The following SEMA6A variants were observed in gnomAD, a reference collection of about 807,000 sequenced individuals.
SEMA6A encodes the protein semaphorin 6A, also known as semaphorin-6A.
In SEMA6A, 25 loss-of-function variants were observed where a neutral mutation model predicts 96.8. The ratio of observed to expected loss-of-function variants is 0.26; its 90% CI spans 0.19 to 0.36. The LOEUF is 0.36. Among genes scored for constraint, SEMA6A ranks in the 10% least tolerant of loss-of-function variants. The pLI is 1.00. For missense variants in SEMA6A, 1,363 were observed against 1,323.1 expected (o/e 1.03, Z -0.47); for synonymous variants, 612 against 518.0 (o/e 1.18, Z -2.46).
chr5:116,446,362 C>A lies in SEMA6A; in HGVS notation c.*251G>T. ...AACTGAAGTCTTTTGTGGGTCCGAC[C>A]TGTTGTAGGGTGTGGGGGAAAGTGA... On this transcript the variant is annotated 3_prime_UTR_variant, in exon 19 of 19. Transcript: ENST00000343348. The A allele has an allele frequency of 2.6e-6, 1 of 388,734 alleles. No individual in the cohort carries two copies. The highest frequency in any genetic ancestry group is 3.9e-5 in the East Asian group (1 of 25,890). 24.1% of individuals were successfully genotyped at this position (388,734 alleles called of 1,614,324 possible). A position where few individuals can be genotyped will look rare whatever the true frequency, so the allele number is the denominator to read the frequency against.
At position 116,445,576 on chromosome 5, in the gene SEMA6A, A is replaced by C. The variant is rs150132955; in HGVS notation, c.*1037T>G. The C allele has an allele frequency of 6.6e-6, 1 of 152,486 alleles. No homozygotes were observed. The highest frequency in any genetic ancestry group is 2.4e-5 in the African/African-American group (1 of 41,460). The allele number at this position is 152,486 out of a possible 1,614,324, so 9.4% of individuals were successfully genotyped here. ...AAGCTTTCTCTCCTGATTGCTTTAGAAATTAGGATCTGGAAGGACTTTAAC... is the reference window on the plus strand; with the variant it reads ...AAGCTTTCTCTCCTGATTGCTTTAGCAATTAGGATCTGGAAGGACTTTAAC... On this transcript the variant is annotated 3_prime_UTR_variant, in exon 19 of 19. Coordinates refer to ENST00000343348, the MANE Select transcript of SEMA6A (RefSeq NM_020796.5).
chr5:116,455,200 T>A (rs774366906), intron 18 of SEMA6A, among the ~76,000 whole-genome samples: 8 of 152,218 alleles, frequency 5.3e-5, no homozygotes, highest in Non-Finnish European at 1.0e-4. Flanking sequence ...GTTCCTCCAC[T>A]GCTCTACTGC....
At chr5:116,514,225 T>C (rs919001560) in intron 1 of SEMA6A, among the ~76,000 whole-genome samples, 1 of 152,218 alleles carries the variant, frequency 6.6e-6, no homozygotes, top group Non-Finnish European at 1.5e-5. Flanking sequence ...TCCAGAATGG[T>C]TGAACTAATT....
intron 1 of SEMA6A, among the ~76,000 whole-genome samples, chr5:116,557,238 T>C (rs1370986467): frequency 2.0e-5 from 3 of 152,234 alleles, no homozygotes; most frequent in Non-Finnish European, 2.9e-5. Context: ...CTTTTCTTTT[T>C]GTTTTTTGAG....
intron 18 of SEMA6A, among the ~76,000 whole-genome samples, chr5:116,466,189 G>A (rs532655053): frequency 4.8e-4 from 72 of 150,488 alleles, no homozygotes; most frequent in African/African-American, 1.7e-3. Context: ...TGGCCAACAT[G>A]GCAAAACCCT....
At chr5:116,541,429 A>G (rs971354394) in intron 1 of SEMA6A, among the ~76,000 whole-genome samples, 5 of 151,646 alleles carry the variant, frequency 3.3e-5, no homozygotes, top group African/African-American at 1.2e-4. Flanking sequence ...ACATGACATA[A>G]TAAAGTGTTA....
intron 1 of SEMA6A, among the ~76,000 whole-genome samples, chr5:116,522,862 C>G (rs1759022850): frequency 6.6e-6 from 1 of 152,114 alleles, no homozygotes; most frequent in Non-Finnish European, 1.5e-5. Flanking sequence ...TGAAGCATCC[C>G]CAAAGGACAC....
intron 15 of SEMA6A, among the ~76,000 whole-genome samples, chr5:116,476,019 T>TAGGA (rs1357788266): frequency 6.6e-6 from 1 of 152,208 alleles, no homozygotes; most frequent in Non-Finnish European, 1.5e-5. Context: ...CTTGCCTTCC[T>TAGGA]AGGCAAGGTT....
intron 1 of SEMA6A, among the ~76,000 whole-genome samples, chr5:116,544,694 A>G (rs1760112758): frequency 6.6e-6 from 1 of 152,188 alleles, no homozygotes; most frequent in Non-Finnish European, 1.5e-5. Context: ...CTAACTTGGT[A>G]TTTATTGCCT....
intron 18 of SEMA6A, among the ~76,000 whole-genome samples, chr5:116,464,700 CAGAA>C (rs1755624509): frequency 6.6e-6 from 1 of 152,004 alleles, no homozygotes; most frequent in South Asian, 2.1e-4. Context: ...GGTGTTTCGA[CAGAA>C]TGTGAGGGAC....
chr5:116,561,425 C>T (rs559697264), intron 1 of SEMA6A, among the ~76,000 whole-genome samples: 18 of 152,246 alleles, frequency 1.2e-4, no homozygotes, highest in African/African-American at 4.3e-4. Flanking sequence ...CAAGGTGCCA[C>T]CCAGGAAGGT....
chr5:116,454,796 GTGTGTGTGTGTGTGCA>G (rs1362884196), intron 18 of SEMA6A, among the ~76,000 whole-genome samples: 4 of 150,324 alleles, frequency 2.7e-5, no homozygotes, highest in South Asian at 2.1e-4. Context: ...TTAAGTGTGT[GTGTGTGTGTGTGTGCA>G]TGTGTGTGTG....
intron 1 of SEMA6A, among the ~76,000 whole-genome samples, chr5:116,551,317 T>TATACACACACACACACAC (rs1554093307): frequency 7.0e-6 from 1 of 142,414 alleles, no homozygotes; most frequent in African/African-American, 2.6e-5. Context: ...AGTCTTAGCA[T>TATACACACACACACACAC]ACACACACAC....
chr5:116,543,190 T>G (rs1015385770), intron 1 of SEMA6A, among the ~76,000 whole-genome samples: 2 of 152,190 alleles, frequency 1.3e-5, no homozygotes, highest in Non-Finnish European at 2.9e-5. Context: ...GTGCTAACTT[T>G]CTACTTCACA....
At chr5:116,547,936 A>G (rs1004275059) in intron 1 of SEMA6A, among the ~76,000 whole-genome samples, 8 of 152,144 alleles carry the variant, frequency 5.3e-5, no homozygotes, top group African/African-American at 1.9e-4. Context: ...CATCTCCAAA[A>G]GTGCTGAACC....
chr5:116,498,655 TCTTCAAA>T (rs1757730309), intron 3 of SEMA6A: 1 of 152,146 alleles, frequency 6.6e-6, no homozygotes, highest in Admixed American at 6.5e-5. Context: ...TAGGCAAGTT[TCTTCAAA>T]CTTCAGTAGG....
chr5:116,457,597 A>C (rs1055568092), intron 18 of SEMA6A, among the ~76,000 whole-genome samples: 1 of 152,180 alleles, frequency 6.6e-6, no homozygotes, highest in Non-Finnish European at 1.5e-5. Flanking sequence ...CTGTAGACTT[A>C]TAAGAGCTTA....
chr5:116,513,286 C>G (rs1218648282), intron 1 of SEMA6A, among the ~76,000 whole-genome samples: 1 of 152,084 alleles, frequency 6.6e-6, no homozygotes, highest in Non-Finnish European at 1.5e-5. Context: ...CATCACCATG[C>G]TCAGCTAATT....
chr5:116,513,121 C>A (rs1277044818), intron 1 of SEMA6A, among the ~76,000 whole-genome samples: 2 of 151,730 alleles, frequency 1.3e-5, no homozygotes, highest in Non-Finnish European at 2.9e-5. Flanking sequence ...ATTATAAAGG[C>A]AGCTATCTTT....
Sources: gnomAD v4.1 joint callset for allele counts (sites outside exome capture counted in the v4.1 genomes callset) on GRCh38, gnomAD v4.1.1 for gene constraint, MANE v1.5 for transcripts, NCBI Gene and HGNC (gene_info 2026-07-23, HGNC 2026-07-21) for gene names.